Variants in SOX12 observed in about 807,000 individuals in gnomAD.
SOX12 encodes the protein transcription factor SOX-12.
Under a neutral mutation model 21.5 loss-of-function variants are expected in SOX12, and 8 were observed. The observed-to-expected ratio is 0.37, with a 90% CI of 0.22 to 0.67. The LOEUF (loss-of-function observed/expected upper bound fraction) is 0.67. Ranked by LOEUF, SOX12 falls within the 30% of genes least tolerant of loss-of-function variation. The pLI is 0.56. For missense variants in SOX12, 400 were observed against 482.6 expected (o/e 0.83, Z 1.60); for synonymous variants, 235 against 224.2 (o/e 1.05, Z -0.43).
rs1314417108 is a variant in SOX12 at position 326,493 on chromosome 20, T to C, written c.569T>C (p.Val190Ala). The change falls in exon 1 of 1, where the codon GTC (valine) becomes GCC (alanine). Residue 190 changes from valine to alanine, a missense_variant. Val to Ala is a moderately conservative substitution (Grantham distance 64, BLOSUM62 0). Transcript: ENST00000342665. The surrounding 1 kb of genome is among the most constrained non-coding windows in gnomAD (Gnocchi z 9.9). The part of the protein sequence containing the change: ...ETPGRELWRM[V>A]PAGRAARGQA... ...CCGGGGCGGGAGCTGTGGAGGATGGTCCCGGCGGGACGGGCCGCTCGGGGA... is the reference window on the plus strand; with the variant it reads ...CCGGGGCGGGAGCTGTGGAGGATGGCCCCGGCGGGACGGGCCGCTCGGGGA... 1 of 1,432,558 alleles carries C rather than the reference T, an allele frequency of 7.0e-7. No homozygotes were observed. The highest frequency in any genetic ancestry group is 3.2e-5 in the Admixed American group (1 of 31,444). The allele number at this position is 1,432,558 out of a possible 1,614,324, so 88.7% of individuals were successfully genotyped here. A position where few individuals can be genotyped will look rare whatever the true frequency, so the allele number is the denominator to read the frequency against.
chr20:326,800 C>A lies in SOX12; in HGVS notation c.876C>A (p.Thr292=), dbSNP rs748809860. The change falls in exon 1 of 1, where the codon ACC becomes ACA. Residue 292 remains threonine (T), a synonymous_variant. Coordinates refer to ENST00000342665, the MANE Select transcript of SOX12 (RefSeq NM_006943.4). The surrounding 1 kb of genome is among the most constrained non-coding windows in gnomAD (Gnocchi z 9.9). ...TSHFEFPDYC[T]PEVTEMIAGD... ...ACTTCGAGTTCCCGGACTACTGCAC[C>A]CCCGAGGTTACCGAGATGATCGCGG... The A allele has an allele frequency of 6.2e-7, 1 of 1,613,712 alleles. No homozygotes were observed.
rs1215383587 is a variant in SOX12 at position 327,481 on chromosome 20, CG to C, written c.*614del. Reference sequence around the variant, plus strand: ...ACTCTTCGCCCGCTCCGGGCAAAAGCGGGGGCGAGTGTAGAGCGATCCTGGG... The same window carrying C: ...ACTCTTCGCCCGCTCCGGGCAAAAGCGGGGCGAGTGTAGAGCGATCCTGGG... On this transcript the variant is annotated 3_prime_UTR_variant, in exon 1 of 1. Transcript: ENST00000342665. 1.2e-5 allele frequency: 2 copies of C among 168,444 alleles called. No individual in the cohort carries two copies. Among genetic ancestry groups the C allele is most frequent in the Non-Finnish European group, 2.9e-5 (2 of 69,092 alleles). 10.4% of individuals were successfully genotyped at this position (168,444 alleles called of 1,614,324 possible).
Position 326,981 on chromosome 20 carries a change from C to G in SOX12, c.*109C>G. The G allele has an allele frequency of 9.9e-7, 1 of 1,012,796 alleles. No individual in the cohort carries two copies. The highest frequency in any genetic ancestry group is 2.4e-5 in the East Asian group (1 of 41,910). 62.7% of individuals were successfully genotyped at this position (1,012,796 alleles called of 1,614,324 possible). A position where few individuals can be genotyped will look rare whatever the true frequency, so the allele number is the denominator to read the frequency against. ...GCTGGCACCCCATCTCCCGCGCAGC[C>G]TGCCCCCTCCTGGACGTGCCCATCC... On this transcript the variant is annotated 3_prime_UTR_variant, in exon 1 of 1. Transcript: ENST00000342665. The surrounding 1 kb of genome is among the most constrained non-coding windows in gnomAD (Gnocchi z 9.9).
Position 325,754 on chromosome 20 carries a change from C to G in SOX12, c.-171C>G, listed in dbSNP as rs568579204. The G allele has an allele frequency of 7.1e-5, 13 of 182,134 alleles. No homozygotes were observed. The East Asian group carries it at 2.0e-3, about 28-fold the overall frequency. 11.3% of individuals were successfully genotyped at this position (182,134 alleles called of 1,614,324 possible). A position where few individuals can be genotyped will look rare whatever the true frequency, so the allele number is the denominator to read the frequency against. ...CTGAGACCGCGCTGACCTTCTCCCCCCGCCGTCCGTTGGGCCCGAGCGCCC... is the reference window on the plus strand; with the variant it reads ...CTGAGACCGCGCTGACCTTCTCCCCGCGCCGTCCGTTGGGCCCGAGCGCCC... On this transcript the variant is annotated 5_prime_UTR_variant, in exon 1 of 1. Transcript: ENST00000342665. The surrounding 1 kb of genome is among the most constrained non-coding windows in gnomAD (Gnocchi z 5.0).
rs147752920 is a variant in SOX12 at position 326,596 on chromosome 20, CGAGGAGCCG to C, written c.678_686del (p.Pro227_Glu229del). The C allele has an allele frequency of 1.6e-3, 2,458 of 1,540,056 alleles. 30 individuals are homozygous for C. The African/African-American group carries it at 0.029, about 18-fold the overall frequency. On this transcript the variant is annotated inframe_deletion, in exon 1 of 1. Coordinates refer to ENST00000342665, the MANE Select transcript of SOX12 (RefSeq NM_006943.4). The surrounding 1 kb of genome is among the most constrained non-coding windows in gnomAD (Gnocchi z 9.9). ...CCGCCTCCCCGACACCGTCGGAGGACGAGGAGCCGGAGGAAGAGGAGGAGGAGGCGGCAG... is the reference window on the plus strand; with the variant it reads ...CCGCCTCCCCGACACCGTCGGAGGACGAGGAAGAGGAGGAGGAGGCGGCAG...
Position 325,938 on chromosome 20 carries a change from G to C in SOX12, c.14G>C (p.Arg5Pro). The change falls in exon 1 of 1, where the codon CGG (arginine) becomes CCG (proline). Residue 5 changes from arginine to proline, a missense_variant. Arg to Pro is a moderately radical substitution (Grantham distance 103, BLOSUM62 -2). Around this residue, in one of 4 missense-constraint regions of SOX12, gnomAD observed 56 missense variants for 51.5 expected, o/e 1.09. Coordinates refer to ENST00000342665, the MANE Select transcript of SOX12 (RefSeq NM_006943.4). The surrounding 1 kb of genome is among the most constrained non-coding windows in gnomAD (Gnocchi z 5.0). MVQQ[R>P]GARAKRDGGP... ...GGCCCAGGCGCGATGGTGCAGCAGC[G>C]GGGCGCGAGGGCCAAGCGGGACGGC... is the stretch of plus-strand genomic sequence containing the variant. The C allele has an allele frequency of 7.9e-7, 1 of 1,270,312 alleles. No homozygotes were observed. The highest frequency in any genetic ancestry group is 1.6e-5 in the African/African-American group (1 of 62,764). The allele number at this position is 1,270,312 out of a possible 1,614,324, so 78.7% of individuals were successfully genotyped here. A position where few individuals can be genotyped will look rare whatever the true frequency, so the allele number is the denominator to read the frequency against.
Position 325,912 on chromosome 20 carries a change from G to C in SOX12, c.-13G>C, listed in dbSNP as rs1226645669. On this transcript the variant is annotated 5_prime_UTR_variant, in exon 1 of 1. Coordinates refer to ENST00000342665, the MANE Select transcript of SOX12 (RefSeq NM_006943.4). The surrounding 1 kb of genome is among the most constrained non-coding windows in gnomAD (Gnocchi z 5.0). Reference sequence around the variant, plus strand: ...GCCCCCGGCGGCGTCTAGCGGCCCCGGGCCCAGGCGCGATGGTGCAGCAGC... The same window carrying C: ...GCCCCCGGCGGCGTCTAGCGGCCCCCGGCCCAGGCGCGATGGTGCAGCAGC... 3.4e-4 allele frequency: 390 copies of C among 1,140,384 alleles called. No individual in the cohort carries two copies. The highest frequency in any genetic ancestry group is 4.0e-4 in the Non-Finnish European group (370 of 929,626). The allele number at this position is 1,140,384 out of a possible 1,614,324, so 70.6% of individuals were successfully genotyped here. A position where few individuals can be genotyped will look rare whatever the true frequency, so the allele number is the denominator to read the frequency against.
In SOX12 at chr20:327,043, C is replaced by G. The variant is rs1280021715; in HGVS notation, c.*171C>G. On this transcript the variant is annotated 3_prime_UTR_variant, in exon 1 of 1. Coordinates refer to ENST00000342665, the MANE Select transcript of SOX12 (RefSeq NM_006943.4). ...CAGACATGCCCCTCCCCCGCAGACA[C>G]ACCCCAAGGCAGCCCAACCCCCACC... 20 of 649,192 alleles carry G rather than the reference C, an allele frequency of 3.1e-5. No individual in the cohort carries two copies. The highest frequency in any genetic ancestry group is 5.5e-5 in the Non-Finnish European group (20 of 363,568). The allele number at this position is 649,192 out of a possible 1,614,324, so 40.2% of individuals were successfully genotyped here.
chr20:326,342 C>T lies in SOX12; in HGVS notation c.418C>T (p.Pro140Ser), dbSNP rs535111667. Residue 140 changes from proline to serine, a missense_variant, in exon 1 of 1, where the codon CCG becomes TCG. Around this residue, in one of 4 missense-constraint regions of SOX12, gnomAD observed 235 missense variants for 219.3 expected, o/e 1.07. Coordinates refer to ENST00000342665, the MANE Select transcript of SOX12 (RefSeq NM_006943.4). The surrounding 1 kb of genome is among the most constrained non-coding windows in gnomAD (Gnocchi z 9.9). ...SGGGSRLKPG[P>S]QLPGRGGRRA... is the part of the protein sequence containing the mutation. ...TGGCGGCAGCCGGCTCAAGCCCGGG[C>T]CGCAGCTGCCTGGCCGCGGGGGCCG... 167 of 1,308,872 alleles carry T rather than the reference C, an allele frequency of 1.3e-4. 1 individual carries two copies. The African/African-American group carries it at 2.1e-3, about 16-fold the overall frequency. 81.1% of individuals were successfully genotyped at this position (1,308,872 alleles called of 1,614,324 possible).
rs1199448923 is a variant in SOX12, at chr20:328,858, T to G, written c.*1986T>G. On this transcript the variant is annotated 3_prime_UTR_variant, in exon 1 of 1. Coordinates refer to ENST00000342665, the MANE Select transcript of SOX12 (RefSeq NM_006943.4). ...GCAAGCCACCTTGCCTGTCTAGGCC[T>G]CTATGTCAGGACTCCCTGGCCTTCA... 6.0e-6 allele frequency: 1 copy of G among 167,208 alleles called. No homozygotes were observed. The highest frequency in any genetic ancestry group is 6.5e-5 in the Admixed American group (1 of 15,288). The allele number at this position is 167,208 out of a possible 1,614,324, so 10.4% of individuals were successfully genotyped here. A position where few individuals can be genotyped will look rare whatever the true frequency, so the allele number is the denominator to read the frequency against.
Position 327,346 on chromosome 20 carries a change from A to C in SOX12, c.*474A>C. 5.5e-6 allele frequency: 1 copy of C among 183,274 alleles called. No homozygotes were observed. Among genetic ancestry groups the C allele is most frequent in the Non-Finnish European group, 1.3e-5 (1 of 78,852 alleles). The allele number at this position is 183,274 out of a possible 1,614,324, so 11.4% of individuals were successfully genotyped here. On this transcript the variant is annotated 3_prime_UTR_variant, in exon 1 of 1. Coordinates refer to ENST00000342665, the MANE Select transcript of SOX12 (RefSeq NM_006943.4). The stretch of plus-strand genomic sequence containing the variant: ...CTCCCTTCCCTGGGGGGAGGGGCGC[A>C]CCCCTTTTATCCCCGGAGCGCTAGG...
At position 328,981 on chromosome 20, in the gene SOX12, A is replaced by T. The variant is rs551643934; in HGVS notation, c.*2109A>T. On this transcript the variant is annotated 3_prime_UTR_variant, in exon 1 of 1. Coordinates refer to ENST00000342665, the MANE Select transcript of SOX12 (RefSeq NM_006943.4). ...TGTCATGACCCACTTCAAGGGGCCT[A>T]CCTCCTGCCAGTTGTGACCCTGTGG... 1 of 167,108 alleles carries T rather than the reference A, an allele frequency of 6.0e-6. No individual in the cohort carries two copies. Among genetic ancestry groups the T allele is most frequent in the South Asian group, 2.1e-4 (1 of 4,822 alleles). The allele number at this position is 167,108 out of a possible 1,614,324, so 10.4% of individuals were successfully genotyped here.
rs1385494921 is a variant in SOX12, at chr20:326,379, G to C, written c.455G>C (p.Gly152Ala). The C allele has an allele frequency of 1.2e-5, 16 of 1,313,974 alleles. No homozygotes were observed. The highest frequency in any genetic ancestry group is 1.4e-5 in the Non-Finnish European group (15 of 1,034,786). The allele number at this position is 1,313,974 out of a possible 1,614,324, so 81.4% of individuals were successfully genotyped here. ...GGCCGCGGGGGCCGCCGAGCAGCGGGAGGGCCTTTGGGGGGCGGGGCGGCG... is the reference window on the plus strand; with the variant it reads ...GGCCGCGGGGGCCGCCGAGCAGCGGCAGGGCCTTTGGGGGGCGGGGCGGCG... ...LPGRGGRRAA[G>A]GPLGGGAAAP... Residue 152 changes from glycine (G) to alanine (A), a missense_variant, in exon 1 of 1, where the codon GGA (glycine) becomes GCA (alanine). Physicochemically the swap from Gly to Ala is moderately conservative, Grantham distance 60. This residue lies in a region of SOX12 where 235 missense variants were observed against 219.3 expected (regional missense o/e 1.07). Transcript: ENST00000342665. This position sits in a 1 kb window ranked among gnomAD's most constrained non-coding sequence, Gnocchi z 9.9.
chr20:326,468 C>A lies in SOX12; in HGVS notation c.544C>A (p.Pro182Thr). 1 of 1,394,004 alleles carries A rather than the reference C, an allele frequency of 7.2e-7. No individual in the cohort carries two copies. The highest frequency in any genetic ancestry group is 9.2e-7 in the Non-Finnish European group (1 of 1,083,712). 86.4% of individuals were successfully genotyped at this position (1,394,004 alleles called of 1,614,324 possible). A position where few individuals can be genotyped will look rare whatever the true frequency, so the allele number is the denominator to read the frequency against. The change falls in exon 1 of 1, where the codon CCG (proline) becomes ACG (threonine). Residue 182 changes from proline (P) to threonine (T), a missense_variant. Pro to Thr is a conservative substitution (Grantham distance 38, BLOSUM62 -1). Coordinates refer to ENST00000342665, the MANE Select transcript of SOX12 (RefSeq NM_006943.4). This position sits in a 1 kb window ranked among gnomAD's most constrained non-coding sequence, Gnocchi z 9.9. ...GCTGGAAGTGCGCCTGGTCGAGACCCCGGGGCGGGAGCTGTGGAGGATGGT... is the reference window on the plus strand; with the variant it reads ...GCTGGAAGTGCGCCTGGTCGAGACCACGGGGCGGGAGCTGTGGAGGATGGT... Reference protein sequence around the residue: ...ELLEVRLVETPGRELWRMVPA... With the variant: ...ELLEVRLVETTGRELWRMVPA...
At position 326,528 on chromosome 20, in the gene SOX12, C is replaced by G. The variant is rs1374021367; in HGVS notation, c.604C>G (p.Arg202Gly). ...ACGGGCCGCTCGGGGACAAGCGGAG[C>G]GCGCCCAAGGGCCGTCGGGCGAGGG... is the stretch of plus-strand genomic sequence containing the variant. ...AGRAARGQAE[R>G]AQGPSGEGAA... is the part of the protein sequence containing the mutation. Residue 202 changes from arginine (R) to glycine (G), a missense_variant, in exon 1 of 1, where the codon CGC becomes GGC. Physicochemically the swap from Arg to Gly is moderately radical, Grantham distance 125 (BLOSUM62 -2). Transcript: ENST00000342665. The surrounding 1 kb of genome is among the most constrained non-coding windows in gnomAD (Gnocchi z 9.9). The G allele has an allele frequency of 6.8e-7, 1 of 1,470,306 alleles. No homozygotes were observed. Among genetic ancestry groups the G allele is most frequent in the South Asian group, 1.4e-5 (1 of 72,882 alleles). The allele number at this position is 1,470,306 out of a possible 1,614,324, so 91.1% of individuals were successfully genotyped here.
chr20:326,555 G>T lies in SOX12; in HGVS notation c.631G>T (p.Ala211Ser), dbSNP rs2013096242. The change falls in exon 1 of 1, where the codon GCG (alanine) becomes TCG (serine). Residue 211 changes from alanine (A) to serine (S), a missense_variant. Physicochemically the swap from Ala to Ser is moderately conservative, Grantham distance 99. Around this residue, in one of 4 missense-constraint regions of SOX12, gnomAD observed 235 missense variants for 219.3 expected, o/e 1.07. Transcript: ENST00000342665. This position sits in a 1 kb window ranked among gnomAD's most constrained non-coding sequence, Gnocchi z 9.9. The part of the protein sequence containing the change: ...ERAQGPSGEG[A>S]AAAAAASPTP... ...CGCCCAAGGGCCGTCGGGCGAGGGG[G>T]CGGCCGCCGCCGCCGCCGCCTCCCC... The T allele has an allele frequency of 6.6e-7, 1 of 1,515,750 alleles. No homozygotes were observed. Among genetic ancestry groups the T allele is most frequent in the East Asian group, 2.5e-5 (1 of 40,382 alleles). 93.9% of individuals were successfully genotyped at this position (1,515,750 alleles called of 1,614,324 possible).
At position 328,992 on chromosome 20, in the gene SOX12, G is replaced by C. The variant is rs571805337; in HGVS notation, c.*2120G>C. 1 of 167,262 alleles carries C rather than the reference G, an allele frequency of 6.0e-6. No individual in the cohort carries two copies. Among genetic ancestry groups the C allele is most frequent in the Admixed American group, 6.5e-5 (1 of 15,312 alleles). The allele number at this position is 167,262 out of a possible 1,614,324, so 10.4% of individuals were successfully genotyped here. A position where few individuals can be genotyped will look rare whatever the true frequency, so the allele number is the denominator to read the frequency against. ...ACTTCAAGGGGCCTACCTCCTGCCA[G>C]TTGTGACCCTGTGGGAATGCAGTCC... is the stretch of plus-strand genomic sequence containing the variant. On this transcript the variant is annotated 3_prime_UTR_variant, in exon 1 of 1. Coordinates refer to ENST00000342665, the MANE Select transcript of SOX12 (RefSeq NM_006943.4).
In SOX12 at chr20:326,497, G is replaced by A. The variant is rs1319621478; in HGVS notation, c.573G>A (p.Pro191=). Residue 191 remains proline (P), a synonymous_variant, in exon 1 of 1, where the codon CCG becomes CCA. Transcript: ENST00000342665. The surrounding 1 kb of genome is among the most constrained non-coding windows in gnomAD (Gnocchi z 9.9). ...TPGRELWRMV[P]AGRAARGQAE... ...GGCGGGAGCTGTGGAGGATGGTCCC[G>A]GCGGGACGGGCCGCTCGGGGACAAG... is the stretch of plus-strand genomic sequence containing the variant. 2 of 1,434,604 alleles carry A rather than the reference G, an allele frequency of 1.4e-6. No individual in the cohort carries two copies. The highest frequency in any genetic ancestry group is 3.2e-5 in the Admixed American group (1 of 31,572). 88.9% of individuals were successfully genotyped at this position (1,434,604 alleles called of 1,614,324 possible). A position where few individuals can be genotyped will look rare whatever the true frequency, so the allele number is the denominator to read the frequency against.
chr20:325,827 G>A lies in SOX12; in HGVS notation c.-98G>A. On this transcript the variant is annotated 5_prime_UTR_variant, in exon 1 of 1. Coordinates refer to ENST00000342665, the MANE Select transcript of SOX12 (RefSeq NM_006943.4). This position sits in a 1 kb window ranked among gnomAD's most constrained non-coding sequence, Gnocchi z 5.0. Reference sequence around the variant, plus strand: ...GGGGGCCGGGCCGAGCCGCGGGGCGGGGCCGCCCCTCCGTCGCCGCTGCCT... The same window carrying A: ...GGGGGCCGGGCCGAGCCGCGGGGCGAGGCCGCCCCTCCGTCGCCGCTGCCT... 2 of 607,724 alleles carry A rather than the reference G, an allele frequency of 3.3e-6. No homozygotes were observed. Among genetic ancestry groups the A allele is most frequent in the Non-Finnish European group, 4.2e-6 (2 of 481,144 alleles). 37.6% of individuals were successfully genotyped at this position (607,724 alleles called of 1,614,324 possible). A position where few individuals can be genotyped will look rare whatever the true frequency, so the allele number is the denominator to read the frequency against.
Sources: allele counts gnomAD v4.1 joint callset, GRCh38; gene constraint gnomAD v4.1.1; regional missense constraint gnomAD v4.1.1; non-coding constraint Gnocchi (gnomAD v3.1); transcripts MANE v1.5; gene names NCBI Gene and HGNC (gene_info 2026-07-23, HGNC 2026-07-21).